The following BOD1L1 variants were observed in gnomAD, a reference collection of about 807,000 sequenced individuals.
BOD1L1 encodes the protein biorientation of chromosomes in cell division 1 like 1, also known as biorientation of chromosomes in cell division protein 1-like 1.
Under a neutral mutation model 240.7 loss-of-function variants are expected in BOD1L1, and 86 were observed. The observed-to-expected ratio is 0.36, with a 90% CI of 0.30 to 0.43. BOD1L1 has a LOEUF of 0.43. BOD1L1 is among the 20% of genes least tolerant of loss of function. BOD1L1 has a pLI of 1.00. For missense variants in BOD1L1, 3,554 were observed against 3,643.5 expected, an observed-to-expected ratio of 0.98 and a Z score of 0.63; for synonymous variants, 1,268 against 1,272.3, an observed-to-expected ratio of 1.00 and a Z score of 0.07.
At chr4:13,609,743 G>A (rs1447175038) in intron 6 of BOD1L1, among the ~76,000 whole-genome samples, 3 of 152,150 alleles carry the variant, frequency 2.0e-5, no homozygotes, top group Admixed American at 6.5e-5. Context: ...AATGATAGCT[G>A]TGAAAATATC....
intron 14 of BOD1L1, among the ~76,000 whole-genome samples, chr4:13,590,093 C>T (rs1015953581): frequency 1.3e-5 from 2 of 152,228 alleles, no homozygotes; most frequent in African/African-American, 2.4e-5. Context: ...GGGGGCTATT[C>T]GTTTTGTATT....
rs1226016205 is a variant in BOD1L1, at chr4:13,590,259, C to T, written c.8209+127G>A. On this transcript the variant is annotated intron_variant, in intron 14 of 25. Coordinates refer to ENST00000040738, the MANE Select transcript of BOD1L1 (RefSeq NM_148894.3). ...CCTGATGCTGTTAACTATCACTTTA[C>T]TGAATTTTTATGAATTAAATGAGAG... 4 of 495,142 alleles carry T rather than the reference C, an allele frequency of 8.1e-6. No individual in the cohort carries two copies. In the South Asian group the frequency reaches 1.1e-4, roughly 13 times the overall value. 30.7% of individuals were successfully genotyped at this position (495,142 alleles called of 1,614,324 possible).
At chr4:13,584,706 C>T (rs1713534033) in intron 17 of BOD1L1, among the ~76,000 whole-genome samples, 2 of 152,268 alleles carry the variant, frequency 1.3e-5, no homozygotes, top group Non-Finnish European at 2.9e-5. Flanking sequence ...GCACGCAACT[C>T]ACTTTTTATT....
At chr4:13,626,608 C>T (rs1425656003) in intron 1 of BOD1L1, among the ~76,000 whole-genome samples, 2 of 152,134 alleles carry the variant, frequency 1.3e-5, no homozygotes, top group South Asian at 2.1e-4. Context: ...TTCCCCTTTC[C>T]AGCCTCTCTT....
At chr4:13,593,620 CAGGGAAGCTGACTCCCACAGTCA>C (rs1377758840) in intron 12 of BOD1L1, 1 of 152,112 alleles carries the variant, frequency 6.6e-6, no homozygotes, top group East Asian at 1.9e-4. Flanking sequence ...GGCCCTACCT[CAGGGAAGCTGACTCCCACAGTCA>C]AGTACGTATC....
rs201237123 is a variant in BOD1L1, at chr4:13,603,494, T to C, written c.3406A>G (p.Lys1136Glu). The C allele has an allele frequency of 1.2e-6, 2 of 1,614,016 alleles. No homozygotes were observed. Among genetic ancestry groups the C allele is most frequent in the East Asian group, 2.2e-5 (1 of 44,888 alleles). ...TTATTATTGCGGTTGTCTTGGGTTT[T>C]AGATACTTCAAACACATTTTCAACA... is the stretch of plus-strand genomic sequence containing the variant. ...PGVENVFEVSKTQDNRNNNSQ... is the reference protein window; with the variant it reads ...PGVENVFEVSETQDNRNNNSQ... The change falls in exon 10 of 26, where the codon AAA becomes GAA. Residue 1136 changes from lysine (K) to glutamate (E), a missense_variant. Around this residue, in one of 2 missense-constraint regions of BOD1L1, gnomAD observed 3,393 missense variants for 3,427.1 expected, o/e 0.99. Transcript: ENST00000040738.
Position 13,581,053 on chromosome 4 carries a change from T to C in BOD1L1, c.8670A>G (p.Lys2890=). The change falls in exon 21 of 26, where the codon AAA becomes AAG. Residue 2890 remains lysine, a splice_region_variant and synonymous_variant. Coordinates refer to ENST00000040738, the MANE Select transcript of BOD1L1 (RefSeq NM_148894.3). ...KYPVETTLKM[K]DDSKTDTGIV... ...TGCCAGTATCTGTTTTGGAGTCGTCTTCTAAAAAAAAAAAATTCACTTAGA... is the reference window on the plus strand; with the variant it reads ...TGCCAGTATCTGTTTTGGAGTCGTCCTCTAAAAAAAAAAAATTCACTTAGA... 6.4e-7 allele frequency: 1 copy of C among 1,569,502 alleles called. No homozygotes were observed. The highest frequency in any genetic ancestry group is 8.6e-7 in the Non-Finnish European group (1 of 1,156,296).
intron 6 of BOD1L1, 37 bp downstream of exon 6, chr4:13,610,897 T>C: frequency 6.5e-7 from 1 of 1,538,148 alleles, no homozygotes; most frequent in African/African-American, 1.4e-5. Context: ...GTTAACCTGA[T>C]GTAGTAGGTT....
chr4:13,608,476 T>G, intron 8 of BOD1L1, 54 bp downstream of exon 8: 1 of 1,405,988 alleles, frequency 7.1e-7, no homozygotes, highest in South Asian at 1.7e-5. Context: ...TCCTCTCTTC[T>G]GAAAGCACCC....
intron 17 of BOD1L1, among the ~76,000 whole-genome samples, chr4:13,585,650 A>C (rs1713618370): frequency 6.6e-6 from 1 of 152,118 alleles, no homozygotes; most frequent in African/African-American, 2.4e-5. Flanking sequence ...AGGTGATATG[A>C]TTTGGCTGTG....
At chr4:13,584,459 T>A (rs866700673) in intron 17 of BOD1L1, among the ~76,000 whole-genome samples, 4,230 of 151,096 alleles carry the variant, frequency 0.028, 189 homozygotes, top group African/African-American at 0.096. Flanking sequence ...TGTGTGTGTG[T>A]GTGTGTGTGT....
In BOD1L1 at chr4:13,605,416, A is replaced by G. The variant is rs540948939; in HGVS notation, c.1816-332T>C. Among the ~76,000 whole-genome samples the G allele has an allele frequency of 1.4e-4, 22 of 152,356 alleles. 1 individual carries two copies. The South Asian group carries it at 3.5e-3, about 24-fold the overall frequency. ...TATCACAAAATAAAGTTAAATACTT[A>G]AAAATATGCCATTAAAACATCAGGA... On this transcript the variant is annotated intron_variant, in intron 9 of 25. Coordinates refer to ENST00000040738, the MANE Select transcript of BOD1L1 (RefSeq NM_148894.3).
At chr4:13,596,286 C>T (rs1410498033) in intron 11 of BOD1L1, among the ~76,000 whole-genome samples, 1 of 152,118 alleles carries the variant, frequency 6.6e-6, no homozygotes, top group Middle Eastern at 3.2e-3. Flanking sequence ...GCGCCTGAGA[C>T]ACACCACGTG....
At chr4:13,610,095 T>G (rs982657085) in intron 6 of BOD1L1, among the ~76,000 whole-genome samples, 3 of 152,216 alleles carry the variant, frequency 2.0e-5, no homozygotes, top group African/African-American at 7.2e-5. Flanking sequence ...TTTTCCTATG[T>G]GACAATATTT....
At chr4:13,622,966 G>T (rs559026970) in intron 1 of BOD1L1, among the ~76,000 whole-genome samples, 2 of 152,266 alleles carry the variant, frequency 1.3e-5, no homozygotes, top group South Asian at 4.1e-4. Context: ...TTTCCCCTTA[G>T]TGGGTCTGTC....
Position 13,613,421 on chromosome 4 carries a change from T to C in BOD1L1, c.1324+91A>G. ...ACAAAATCCCATGCTCTTGCTACTA[T>C]ACCACACTGTTTCTCAGGATATAGC... is the stretch of plus-strand genomic sequence containing the variant. On this transcript the variant is annotated intron_variant, in intron 5 of 25. Coordinates refer to ENST00000040738, the MANE Select transcript of BOD1L1 (RefSeq NM_148894.3). This position sits in a 1 kb window ranked among gnomAD's most constrained non-coding sequence, Gnocchi z 4.0. 2 of 1,252,954 alleles carry C rather than the reference T, an allele frequency of 1.6e-6. No homozygotes were observed. Among genetic ancestry groups the C allele is most frequent in the East Asian group, 4.8e-5 (2 of 41,620 alleles). The allele number at this position is 1,252,954 out of a possible 1,614,324, so 77.6% of individuals were successfully genotyped here.
chr4:13,627,448 CCCGCACCCGCGCCGCCCG>C lies in BOD1L1; in HGVS notation c.122_139del (p.Ala41_Ala46del). On this transcript the variant is annotated inframe_deletion, in exon 1 of 26. Transcript: ENST00000040738. ...GGCCACGAGCTGCGGGTCCCCGGCGCCCGCACCCGCGCCGCCCGCCCCGCCCGCGCCGGGGCCAGCCCC... is the reference window on the plus strand; with the variant it reads ...GGCCACGAGCTGCGGGTCCCCGGCGCCCCCGCCCGCGCCGGGGCCAGCCCC... The C allele has an allele frequency of 8.1e-7, 1 of 1,240,838 alleles. No individual in the cohort carries two copies. Among genetic ancestry groups the C allele is most frequent in the Non-Finnish European group, 1.0e-6 (1 of 977,626 alleles). The allele number at this position is 1,240,838 out of a possible 1,614,324, so 76.9% of individuals were successfully genotyped here.
intron 19 of BOD1L1, among the ~76,000 whole-genome samples, chr4:13,581,901 C>T (rs1035989932): frequency 6.6e-5 from 10 of 152,304 alleles, no homozygotes; most frequent in African/African-American, 2.4e-4. Context: ...GCTCAGACAG[C>T]CTCCTGTTTG....
chr4:13,581,104 G>A (rs776489884), intron 20 of BOD1L1, 28 bp downstream of exon 20: 2 of 1,565,774 alleles, frequency 1.3e-6, no homozygotes, highest in Non-Finnish European at 1.7e-6. Flanking sequence ...TTTCTTGTGT[G>A]TGAACTGAAA....
Sources: allele counts gnomAD v4.1 joint callset (sites outside exome capture counted in the v4.1 genomes callset), GRCh38; gene constraint gnomAD v4.1.1; regional missense constraint gnomAD v4.1.1; non-coding constraint Gnocchi (gnomAD v3.1); transcripts MANE v1.5; gene names NCBI Gene and HGNC (gene_info 2026-07-23, HGNC 2026-07-21).